CASR: variants seen among roughly 807,000 people sequenced by gnomAD.
The protein encoded by CASR is extracellular calcium-sensing receptor.
In CASR, 23 loss-of-function variants were observed where a neutral mutation model predicts 69.1. The observed-to-expected ratio is 0.33, with a 90% confidence interval of 0.24 to 0.47. The LOEUF (loss-of-function observed/expected upper bound fraction) is 0.47. CASR is among the 20% of genes least tolerant of loss of function. The pLI, the probability that CASR is intolerant of heterozygous loss-of-function variation, is 1.00. For missense variants in CASR, 924 were observed against 1,356.1 expected (o/e 0.68, Z 5.00); for synonymous variants, 541 against 544.7 (o/e 0.99, Z 0.10).
At chr3:122,232,699 T>A (rs984751787) in intron 1 of CASR, among the ~76,000 whole-genome samples, 1 of 152,158 alleles carries the variant, frequency 6.6e-6, no homozygotes, top group Non-Finnish European at 1.5e-5. Context: ...ACATGTTCCA[T>A]TTCCTTATCT....
intron 1 of CASR, among the ~76,000 whole-genome samples, chr3:122,188,595 T>C (rs750727149): frequency 1.3e-5 from 2 of 152,156 alleles, no homozygotes; most frequent in Admixed American, 6.5e-5. Flanking sequence ...AAATATAATA[T>C]CCATCTTCTC....
intron 1 of CASR, among the ~76,000 whole-genome samples, chr3:122,202,355 C>T (rs934573674): frequency 6.7e-6 from 1 of 150,308 alleles, no homozygotes; most frequent in Non-Finnish European, 1.5e-5. Flanking sequence ...TGCAGTGAGC[C>T]GAGATGGCAG....
At chr3:122,235,224 T>C (rs1202576784) in intron 1 of CASR, among the ~76,000 whole-genome samples, 1 of 152,130 alleles carries the variant, frequency 6.6e-6, no homozygotes, top group Non-Finnish European at 1.5e-5. Flanking sequence ...AAGACTTAAG[T>C]GTAAAGTAGA....
At chr3:122,193,519 A>G (rs1443859819) in intron 1 of CASR, among the ~76,000 whole-genome samples, 1 of 152,164 alleles carries the variant, frequency 6.6e-6, no homozygotes, top group African/African-American at 2.4e-5. Context: ...ACCCGGCCCT[A>G]TCCTCTCATT....
intron 1 of CASR, among the ~76,000 whole-genome samples, chr3:122,200,806 T>C (rs2107586936): frequency 6.6e-6 from 1 of 152,282 alleles, no homozygotes; most frequent in South Asian, 2.1e-4. Flanking sequence ...CAAAGTGATT[T>C]TACCCATTTA....
chr3:122,239,509 A>G (rs559628854), intron 1 of CASR, among the ~76,000 whole-genome samples: 1 of 152,360 alleles, frequency 6.6e-6, no homozygotes, highest in South Asian at 2.1e-4. Context: ...TAAGGGAAGA[A>G]CACAAGCCTG....
At chr3:122,252,806 T>C (rs1385235830) in intron 1 of CASR, among the ~76,000 whole-genome samples, 1 of 152,202 alleles carries the variant, frequency 6.6e-6, no homozygotes, top group African/African-American at 2.4e-5. Context: ...GTTTAGGGCC[T>C]GTTAAATTCA....
rs200652347 is a variant in CASR, at chr3:122,286,360, C to T, written c.*1169C>T. ...TAACCTCTCTAAGCCACAGCTTCTTCATCTTTAAAATAAGGATAATAATCA... is the reference window on the plus strand; with the variant it reads ...TAACCTCTCTAAGCCACAGCTTCTTTATCTTTAAAATAAGGATAATAATCA... On this transcript the variant is annotated 3_prime_UTR_variant, in exon 7 of 7. Coordinates refer to ENST00000639785, the MANE Select transcript of CASR (RefSeq NM_000388.4). 1.8e-4 allele frequency: 27 copies of T among 152,154 alleles called. No homozygotes were observed. Among genetic ancestry groups the T allele is most frequent in the Non-Finnish European group, 3.4e-4 (23 of 68,036 alleles). 9.4% of individuals were successfully genotyped at this position (152,154 alleles called of 1,614,324 possible). A position where few individuals can be genotyped will look rare whatever the true frequency, so the allele number is the denominator to read the frequency against.
At chr3:122,280,220 A>G (rs1283001071) in intron 5 of CASR, among the ~76,000 whole-genome samples, 3 of 152,222 alleles carry the variant, frequency 2.0e-5, no homozygotes, top group African/African-American at 4.8e-5. Context: ...TCGAAATAAT[A>G]AAAGCCATTT....
At chr3:122,277,073 G>A (rs1490204135) in intron 5 of CASR, among the ~76,000 whole-genome samples, 1 of 146,044 alleles carries the variant, frequency 6.8e-6, no homozygotes, top group East Asian at 2.0e-4. Context: ...TTTTGAGATG[G>A]GGTCTGGCTC....
rs570088249 is a variant in CASR at position 122,270,305 on chromosome 3, T to C, written c.1378-5507T>C. 3.9e-5 allele frequency among the ~76,000 whole-genome samples: 6 copies of C among 152,374 alleles called. No individual in the cohort carries two copies. In the East Asian group the frequency reaches 1.2e-3, roughly 29 times the overall value. On this transcript the variant is annotated intron_variant, in intron 4 of 6. Coordinates refer to ENST00000639785, the MANE Select transcript of CASR (RefSeq NM_000388.4). ...TTTATTTATAATATTGTTTACAATGTTCTCAGACTATAATTATAATGTCTG... is the reference window on the plus strand; with the variant it reads ...TTTATTTATAATATTGTTTACAATGCTCTCAGACTATAATTATAATGTCTG...
intron 1 of CASR, among the ~76,000 whole-genome samples, chr3:122,228,543 C>G (rs1374748463): frequency 2.6e-5 from 4 of 152,160 alleles, no homozygotes; most frequent in African/African-American, 9.7e-5. Context: ...GAGATTACAC[C>G]TCATGTGTTT....
chr3:122,230,910 G>T (rs1281919948), intron 1 of CASR, among the ~76,000 whole-genome samples: 5 of 152,132 alleles, frequency 3.3e-5, no homozygotes, highest in Admixed American at 3.3e-4. Flanking sequence ...TTGCAAACCT[G>T]CTTCCAAATA....
chr3:122,283,914 C>G lies in CASR; in HGVS notation c.1960C>G (p.Leu654Val). The change falls in exon 7 of 7, where the codon CTC (leucine) becomes GTC (valine). Residue 654 changes from leucine (L) to valine (V), a missense_variant. Leu to Val is a conservative substitution (Grantham distance 32). Coordinates refer to ENST00000639785, the MANE Select transcript of CASR (RefSeq NM_000388.4). Reference protein sequence around the residue: ...KATNRELSYLLLFSLLCCFSS... With the variant: ...KATNRELSYLVLFSLLCCFSS... ...CACCAACCGAGAGCTCTCCTACCTC[C>G]TCCTCTTCTCCCTGCTCTGCTGCTT... 1 of 1,613,788 alleles carries G rather than the reference C, an allele frequency of 6.2e-7. No homozygotes were observed. The highest frequency in any genetic ancestry group is 8.5e-7 in the Non-Finnish European group (1 of 1,179,990).
At chr3:122,266,946 G>A (rs1245743198) in intron 4 of CASR, among the ~76,000 whole-genome samples, 1 of 152,210 alleles carries the variant, frequency 6.6e-6, no homozygotes, top group African/African-American at 2.4e-5. Context: ...ATAAATTGCA[G>A]TGAGCCAAGA....
intron 1 of CASR, among the ~76,000 whole-genome samples, chr3:122,235,528 G>C (rs570708578): frequency 6.6e-6 from 1 of 152,354 alleles, no homozygotes; most frequent in South Asian, 2.1e-4. Context: ...ACAGGAAACT[G>C]TTGTGTATCC....
chr3:122,232,457 G>C (rs1466128347), intron 1 of CASR, among the ~76,000 whole-genome samples: 1 of 152,166 alleles, frequency 6.6e-6, no homozygotes, highest in East Asian at 1.9e-4. Context: ...TAAGCAAGAG[G>C]CACAGGTCAG....
chr3:122,227,313 G>T (rs546674878), intron 1 of CASR, among the ~76,000 whole-genome samples: 1 of 151,828 alleles, frequency 6.6e-6, no homozygotes, highest in Non-Finnish European at 1.5e-5. Flanking sequence ...ATGGTGGGGG[G>T]TTGGGGTGGG....
intron 1 of CASR, among the ~76,000 whole-genome samples, chr3:122,198,772 T>C (rs1350539579): frequency 6.6e-6 from 1 of 151,936 alleles, no homozygotes; most frequent in East Asian, 1.9e-4. Context: ...CAAAAAATTT[T>C]TCTTTTTATT....
Sources: allele counts gnomAD v4.1 joint callset (sites outside exome capture counted in the v4.1 genomes callset), GRCh38; gene constraint gnomAD v4.1.1; transcripts MANE v1.5; gene names NCBI Gene and HGNC (gene_info 2026-07-23, HGNC 2026-07-21).